Variants in KATNAL1 observed in about 807,000 individuals in gnomAD.
KATNAL1 encodes katanin catalytic subunit A1 like 1.
Under a neutral mutation model 55.2 loss-of-function variants are expected in KATNAL1, and 32 were observed. That is an observed-to-expected ratio of 0.58 (90% CI 0.44 to 0.78). The LOEUF is 0.78. KATNAL1 is among the 30% of genes least tolerant of loss of function. The pLI is 0.00. For synonymous variants in KATNAL1, 193 were observed against 193.6 expected (o/e 1.00, Z 0.02); for missense variants, 466 against 600.9 (o/e 0.78, Z 2.35).
intron 3 of KATNAL1, among the ~76,000 whole-genome samples, chr13:30,274,905 G>A (rs773595253): frequency 0.031 from 2,621 of 84,218 alleles, 33 homozygotes; most frequent in Non-Finnish European, 0.043. Context: ...GCGCGCGCGC[G>A]CGCACACACA....
At chr13:30,283,529 C>A in intron 2 of KATNAL1, 87 bp downstream of exon 2, 1 of 1,225,322 alleles carries the variant, frequency 8.2e-7, no homozygotes. Flanking sequence ...CCATCTCAAA[C>A]TCAAAATTAG....
intron 6 of KATNAL1, among the ~76,000 whole-genome samples, chr13:30,233,052 T>C (rs1229289528): frequency 6.6e-6 from 1 of 152,122 alleles, no homozygotes; most frequent in African/African-American, 2.4e-5. Context: ...AGGACATCAG[T>C]CCAGGCAGAT....
chr13:30,217,515 T>C (rs1219819726), intron 9 of KATNAL1, among the ~76,000 whole-genome samples: 1 of 152,224 alleles, frequency 6.6e-6, no homozygotes, highest in Non-Finnish European at 1.5e-5. Flanking sequence ...GATTAATGTG[T>C]TGTTAATCAT....
intron 1 of KATNAL1, among the ~76,000 whole-genome samples, chr13:30,300,932 G>A (rs1017485773): frequency 1.3e-5 from 2 of 151,962 alleles, no homozygotes; most frequent in African/African-American, 4.8e-5. Flanking sequence ...ACTAATATAG[G>A]GTTCTAAGAG....
chr13:30,258,733 AC>A (rs1293697439), intron 3 of KATNAL1, among the ~76,000 whole-genome samples: 1 of 152,036 alleles, frequency 6.6e-6, no homozygotes. Flanking sequence ...TTTTTGTACG[AC>A]GTGAGGTGGG....
intron 3 of KATNAL1, among the ~76,000 whole-genome samples, chr13:30,262,076 G>A (rs922385238): frequency 3.3e-5 from 5 of 151,836 alleles, no homozygotes; most frequent in South Asian, 2.1e-4. Context: ...ACTCAAAACC[G>A]CTCAACTACA....
At chr13:30,296,816 T>C (rs996315076) in intron 1 of KATNAL1, 3 of 393,422 alleles carry the variant, frequency 7.6e-6, no homozygotes, top group African/African-American at 2.1e-5. Flanking sequence ...CTAGGTGCCC[T>C]GTGCTGACCC....
At chr13:30,233,329 A>G (rs1394164373) in intron 6 of KATNAL1, among the ~76,000 whole-genome samples, 1 of 152,208 alleles carries the variant, frequency 6.6e-6, no homozygotes, top group Non-Finnish European at 1.5e-5. Context: ...AAGAAGACAT[A>G]CAAATGTCCA....
At chr13:30,292,692 A>C (rs1375972687) in intron 1 of KATNAL1, among the ~76,000 whole-genome samples, 2 of 151,434 alleles carry the variant, frequency 1.3e-5, no homozygotes, top group Non-Finnish European at 2.9e-5. Context: ...TATGTATCAC[A>C]TGTCTTTCTC....
At chr13:30,229,995 A>G (rs1375792496) in intron 8 of KATNAL1, among the ~76,000 whole-genome samples, 7 of 137,046 alleles carry the variant, frequency 5.1e-5, no homozygotes, top group African/African-American at 1.1e-4. Context: ...TTTAATGTCT[A>G]TCTAGAGAAA....
intron 9 of KATNAL1, among the ~76,000 whole-genome samples, chr13:30,222,176 T>G (rs1393882412): frequency 6.6e-6 from 1 of 152,202 alleles, no homozygotes; most frequent in Non-Finnish European, 1.5e-5. Flanking sequence ...TGGGTGGGCC[T>G]CATCTAACCA....
At chr13:30,231,587 T>C (rs985226747) in intron 6 of KATNAL1, 115 bp from the exon 7 acceptor site, 12 of 614,944 alleles carry the variant, frequency 2.0e-5, no homozygotes, top group Non-Finnish European at 2.7e-5. Context: ...AACTCAAAAT[T>C]GTCACAGTAA....
Position 30,208,640 on chromosome 13 carries a change from T to G in KATNAL1, c.1373A>C (p.Lys458Thr). The G allele has an allele frequency of 6.2e-7, 1 of 1,614,010 alleles. No individual in the cohort carries two copies. The highest frequency in any genetic ancestry group is 8.5e-7 in the Non-Finnish European group (1 of 1,179,922). Reference protein sequence around the residue: ...SKEELQMPVTKGDFELALKKI... With the variant: ...SKEELQMPVTTGDFELALKKI... ...CTTTAGGGCCAATTCAAAGTCTCCT[T>G]TGGTAACAGGCATCTGAAGTTCCTC... is the stretch of plus-strand genomic sequence containing the variant. The change falls in exon 11 of 11, where the codon AAA becomes ACA. Residue 458 changes from lysine (K) to threonine (T), a missense_variant. By Grantham distance (78) the Lys-to-Thr change is moderately conservative. Transcript: ENST00000380615.
chr13:30,254,437 G>A (rs769912257), intron 4 of KATNAL1, among the ~76,000 whole-genome samples: 1 of 152,132 alleles, frequency 6.6e-6, no homozygotes, highest in Non-Finnish European at 1.5e-5. Flanking sequence ...TATTGAGGCA[G>A]GGAGGTAGAA....
chr13:30,292,824 C>T (rs539160575), intron 1 of KATNAL1, among the ~76,000 whole-genome samples: 3 of 152,246 alleles, frequency 2.0e-5, no homozygotes, highest in African/African-American at 7.2e-5. Flanking sequence ...TGAGAATTTG[C>T]CTGGCTACTG....
chr13:30,219,253 T>C (rs1192223872), intron 9 of KATNAL1, among the ~76,000 whole-genome samples: 1 of 152,220 alleles, frequency 6.6e-6, no homozygotes, highest in Admixed American at 6.5e-5. Context: ...TTCTTAAATT[T>C]TATTTATTGT....
At chr13:30,245,564 A>T (rs908654600) in intron 4 of KATNAL1, among the ~76,000 whole-genome samples, 3 of 152,086 alleles carry the variant, frequency 2.0e-5, no homozygotes, top group African/African-American at 7.2e-5. Flanking sequence ...GGCAATCAGG[A>T]AAGAGAAAGA....
intron 1 of KATNAL1, among the ~76,000 whole-genome samples, chr13:30,297,750 C>G (rs558782955): frequency 6.6e-6 from 1 of 152,298 alleles, no homozygotes; most frequent in African/African-American, 2.4e-5. Context: ...TTATCCTTAA[C>G]AAATAAATGC....
Position 30,206,023 on chromosome 13 carries a change from C to T in KATNAL1, c.*2517G>A, listed in dbSNP as rs1873116451. ...TAGGGCCAGGTGCGGTGGATCACAC[C>T]TGTAATCCCAGCACTTTGGGAGGCC... On this transcript the variant is annotated 3_prime_UTR_variant, in exon 11 of 11. Coordinates refer to ENST00000380615, the MANE Select transcript of KATNAL1 (RefSeq NM_032116.5). 1 of 148,842 alleles carries T rather than the reference C, an allele frequency of 6.7e-6. No homozygotes were observed. Among genetic ancestry groups the T allele is most frequent in the Non-Finnish European group, 1.5e-5 (1 of 67,754 alleles). The allele number at this position is 148,842 out of a possible 1,614,324, so 9.2% of individuals were successfully genotyped here. A position where few individuals can be genotyped will look rare whatever the true frequency, so the allele number is the denominator to read the frequency against.
Sources: gnomAD v4.1 joint callset for allele counts (sites outside exome capture counted in the v4.1 genomes callset) on GRCh38, gnomAD v4.1.1 for gene constraint, MANE v1.5 for transcripts, NCBI Gene and HGNC (gene_info 2026-07-23, HGNC 2026-07-21) for gene names.